Variants in ORC4 observed in about 807,000 individuals in gnomAD.
ORC4 encodes origin recognition complex, subunit 4 homolog.
In ORC4, 55 loss-of-function variants were observed where a neutral mutation model predicts 63.9. The observed-to-expected ratio is 0.86, with a 90% CI of 0.69 to 1.08. The LOEUF is 1.08. Ranked by LOEUF, ORC4 falls within the 50% of genes least tolerant of loss-of-function variation. ORC4 has a pLI of 0.00. For missense variants in ORC4, 511 were observed against 504.4 expected, an observed-to-expected ratio of 1.01 and a Z score of -0.13; for synonymous variants, 150 against 168.5, an observed-to-expected ratio of 0.89 and a Z score of 0.85.
chr2:147,954,328 T>C (rs1689129338), intron 7 of ORC4, among the ~76,000 whole-genome samples: 1 of 152,200 alleles, frequency 6.6e-6, no homozygotes, highest in African/African-American at 2.4e-5. Context: ...AGAAATGTAT[T>C]GTTAGGTGAC....
At chr2:148,011,018 G>A (rs1227247719) in intron 1 of ORC4, among the ~76,000 whole-genome samples, 4 of 151,702 alleles carry the variant, frequency 2.6e-5, no homozygotes, top group East Asian at 1.9e-4. Context: ...TTGTAGAGAT[G>A]GGGTTTCACC....
intron 1 of ORC4, among the ~76,000 whole-genome samples, chr2:147,995,842 G>C (rs1377294877): frequency 6.6e-6 from 1 of 152,124 alleles, no homozygotes; most frequent in African/African-American, 2.4e-5. Flanking sequence ...CTTCATTCTT[G>C]AAGTCAGCGA....
At chr2:147,985,448 G>A (rs1691147298) in intron 1 of ORC4, among the ~76,000 whole-genome samples, 1 of 152,030 alleles carries the variant, frequency 6.6e-6, no homozygotes, top group Admixed American at 6.6e-5. Context: ...CGCCTGCCTC[G>A]GCCTCCCAAG....
intron 1 of ORC4, among the ~76,000 whole-genome samples, chr2:147,995,824 G>A (rs1691929499): frequency 6.6e-6 from 1 of 152,076 alleles, no homozygotes; most frequent in African/African-American, 2.4e-5. Flanking sequence ...CACTGCGAGG[G>A]TCTGCGGCTT....
chr2:147,946,442 A>G (rs1688662342), intron 9 of ORC4, among the ~76,000 whole-genome samples: 1 of 152,102 alleles, frequency 6.6e-6, no homozygotes, highest in Admixed American at 6.6e-5. Flanking sequence ...GGCACTGAAA[A>G]GTAGATCTAA....
At chr2:147,995,867 T>C (rs552487672) in intron 1 of ORC4, among the ~76,000 whole-genome samples, 49 of 151,932 alleles carry the variant, frequency 3.2e-4, no homozygotes, top group African/African-American at 1.1e-3. Context: ...AAGAACCCAA[T>C]GGAAGGAATA....
Position 147,931,419 on chromosome 2 carries a change from G to A in ORC4, c.*4091C>T, listed in dbSNP as rs1250904056. 2 of 151,980 alleles carry A rather than the reference G, an allele frequency of 1.3e-5. No homozygotes were observed. The highest frequency in any genetic ancestry group is 1.9e-4 in the East Asian group (1 of 5,184). 9.4% of individuals were successfully genotyped at this position (151,980 alleles called of 1,614,324 possible). ...ATGGTGTTTCCAGTTCTAGATCCCT[G>A]AGGAATCGCCACACTGACTTCCACA... is the stretch of plus-strand genomic sequence containing the variant. On this transcript the variant is annotated 3_prime_UTR_variant, in exon 14 of 14. Coordinates refer to ENST00000392857, the MANE Select transcript of ORC4 (RefSeq NM_181741.4).
intron 1 of ORC4, among the ~76,000 whole-genome samples, chr2:148,004,219 A>C (rs190184932): frequency 2.6e-5 from 4 of 152,314 alleles, no homozygotes; most frequent in Non-Finnish European, 4.4e-5. Context: ...TAAACCCATC[A>C]AGCTACCACT....
intron 2 of ORC4, among the ~76,000 whole-genome samples, chr2:147,975,187 C>T (rs1362404444): frequency 6.6e-6 from 1 of 152,070 alleles, no homozygotes; most frequent in African/African-American, 2.4e-5. Context: ...GGTAGAAATA[C>T]CATGCTCATT....
chr2:147,987,366 A>ATATG (rs1553458385), intron 1 of ORC4, among the ~76,000 whole-genome samples: 59 of 116,402 alleles, frequency 5.1e-4, no homozygotes, highest in Admixed American at 1.4e-3. Flanking sequence ...AGATATATAT[A>ATATG]TGTGTGTGTG....
At chr2:147,938,952 C>T (rs17225649) in intron 11 of ORC4, among the ~76,000 whole-genome samples, 188 bp downstream of exon 11, 586 of 152,098 alleles carry the variant, frequency 3.9e-3, no homozygotes, top group East Asian at 8.3e-3. Context: ...AGAGGCAGAG[C>T]GTCAAATTTT....
At chr2:148,007,810 A>T (rs190888552) in intron 1 of ORC4, among the ~76,000 whole-genome samples, 6 of 152,316 alleles carry the variant, frequency 3.9e-5, no homozygotes, top group South Asian at 2.1e-4. Context: ...CAAAGAAAGG[A>T]TCCTAAAAGC....
At chr2:147,972,892 GT>G in intron 3 of ORC4, 63 bp from the exon 4 acceptor site, 1 of 1,091,328 alleles carries the variant, frequency 9.2e-7, no homozygotes, top group Non-Finnish European at 1.4e-6. Context: ...TTATGTTGTA[GT>G]TTTTAAAAGG....
At chr2:147,972,909 T>A (rs1222169986) in intron 3 of ORC4, 80 bp from the exon 4 acceptor site, 2 of 917,058 alleles carry the variant, frequency 2.2e-6, no homozygotes, top group African/African-American at 3.3e-5. Flanking sequence ...AAAGGCATAT[T>A]TGAATATGCA....
intron 4 of ORC4, among the ~76,000 whole-genome samples, chr2:147,959,634 T>G (rs567305212): frequency 6.6e-6 from 1 of 152,130 alleles, no homozygotes; most frequent in Non-Finnish European, 1.5e-5. Flanking sequence ...TATTTGTCAT[T>G]GCAACACCTT....
At chr2:147,960,159 G>A in intron 4 of ORC4, 1 of 583,934 alleles carries the variant, frequency 1.7e-6, no homozygotes. Context: ...TAAAAGGAAT[G>A]GGGATTTTAA....
intron 13 of ORC4, 98 bp downstream of exon 13, chr2:147,938,048 T>C: frequency 1.2e-6 from 1 of 817,134 alleles, no homozygotes; most frequent in Non-Finnish European, 2.1e-6. Context: ...TCTATAATAC[T>C]TAATGTTTAA....
intron 9 of ORC4, among the ~76,000 whole-genome samples, chr2:147,945,755 T>G (rs1053324803): frequency 1.3e-5 from 2 of 152,104 alleles, no homozygotes; most frequent in East Asian, 3.9e-4. Flanking sequence ...ATCACTGCTA[T>G]TGGCTTAATC....
chr2:147,950,930 CACCCAAAGGAAGATTTTTTT>C (rs1688925030), intron 8 of ORC4, among the ~76,000 whole-genome samples: 1 of 150,090 alleles, frequency 6.7e-6, no homozygotes. Flanking sequence ...CAGCCACTTC[CACCCAAAGGAAGATTTTTTT>C]TTTTTTGGCA....
Sources: allele counts gnomAD v4.1 joint callset (sites outside exome capture counted in the v4.1 genomes callset), GRCh38; gene constraint gnomAD v4.1.1; transcripts MANE v1.5; gene names NCBI Gene and HGNC (gene_info 2026-07-23, HGNC 2026-07-21).